Variants in VRK2 observed in about 807,000 individuals in gnomAD.
VRK2 encodes serine/threonine-protein kinase VRK2.
In VRK2, 60 loss-of-function variants were observed where a neutral mutation model predicts 57.6. That is an observed-to-expected ratio of 1.04 (90% CI 0.85 to 1.29). VRK2 has a LOEUF of 1.29. Ranked by LOEUF, VRK2 falls within the 50% of genes most tolerant of loss-of-function variation. The probability of loss-of-function intolerance (pLI) is 0.00; values close to 1 mark genes in which losing one functional copy is unlikely to be tolerated. For missense variants in VRK2, 705 were observed against 588.1 expected, an observed-to-expected ratio of 1.20 and a Z score of -2.06; for synonymous variants, 231 against 199.2, an observed-to-expected ratio of 1.16 and a Z score of -1.35.
Position 58,019,197 on chromosome 2 carries a change from A to G in VRK2, c.-438-6468A>G, listed in dbSNP as rs138670039. Among the ~76,000 whole-genome samples, 3 of 152,366 alleles carry G rather than the reference A, an allele frequency of 2.0e-5. No individual in the cohort carries two copies. The East Asian group carries it at 5.8e-4, about 29-fold the overall frequency. On this transcript the variant is annotated intron_variant, in intron 1 of 15. Coordinates refer to the VRK2 transcript ENST00000417641. The stretch of plus-strand genomic sequence containing the variant: ...GCTGAATAATGTGACCACGTTAAAC[A>G]TTAGAACAATAAGGAGAAATTTTTA...
chr2:58,131,223 A>G (rs1411652137), intron 8 of VRK2, among the ~76,000 whole-genome samples: 1 of 151,504 alleles, frequency 6.6e-6, no homozygotes, highest in African/African-American at 2.4e-5. Flanking sequence ...AGCAGTAGAT[A>G]TATTTTTATT....
chr2:58,109,450 C>T (rs1675235185), intron 7 of VRK2, among the ~76,000 whole-genome samples: 1 of 151,680 alleles, frequency 6.6e-6, no homozygotes, highest in Non-Finnish European at 1.5e-5. Context: ...AAAAAAAATA[C>T]CCAAAACTGG....
chr2:58,007,346 T>A (rs533142987), intron 1 of VRK2, among the ~76,000 whole-genome samples: 1 of 151,956 alleles, frequency 6.6e-6, no homozygotes, highest in African/African-American at 2.4e-5. Context: ...ACGAATACAG[T>A]TGGCCCTTGA....
At chr2:58,157,397 T>C (rs1338756168) in intron 12 of VRK2, among the ~76,000 whole-genome samples, 1 of 152,170 alleles carries the variant, frequency 6.6e-6, no homozygotes. Context: ...TGATGTAGGA[T>C]GTTTCGCATC....
chr2:57,978,017 A>T (rs1427031854), intron 1 of VRK2, among the ~76,000 whole-genome samples: 1 of 151,372 alleles, frequency 6.6e-6, no homozygotes, highest in Non-Finnish European at 1.5e-5. Flanking sequence ...GATGAATCAC[A>T]TGTATTGATT....
intron 1 of VRK2, among the ~76,000 whole-genome samples, chr2:58,013,925 A>C (rs1673495467): frequency 6.6e-6 from 1 of 151,972 alleles, no homozygotes; most frequent in African/African-American, 2.4e-5. Flanking sequence ...AAATATTCAT[A>C]ATAATTTCAT....
intron 12 of VRK2, among the ~76,000 whole-genome samples, chr2:58,148,012 T>C (rs1682427324): frequency 6.6e-6 from 1 of 151,848 alleles, no homozygotes; most frequent in Admixed American, 6.6e-5. Flanking sequence ...CTACAAACAT[T>C]CTGGCACAAA....
intron 1 of VRK2, among the ~76,000 whole-genome samples, chr2:57,916,645 C>G (rs781765942): frequency 6.6e-6 from 1 of 152,064 alleles, no homozygotes; most frequent in Non-Finnish European, 1.5e-5. Context: ...CTAGCCCTAT[C>G]TGACAAATGA....
intron 3 of VRK2, among the ~76,000 whole-genome samples, chr2:58,035,525 C>T (rs1207557901): frequency 1.3e-5 from 2 of 151,972 alleles, no homozygotes; most frequent in South Asian, 2.1e-4. Flanking sequence ...TTTCATGACT[C>T]GAGTAACATT....
At chr2:58,035,118 C>T (rs1244820283) in intron 3 of VRK2, among the ~76,000 whole-genome samples, 1 of 151,988 alleles carries the variant, frequency 6.6e-6, no homozygotes, top group Admixed American at 6.6e-5. Flanking sequence ...TACTCCATGC[C>T]TTCCAACAGT....
intron 2 of VRK2, among the ~76,000 whole-genome samples, chr2:58,065,924 A>G (rs1310217998): frequency 6.6e-6 from 1 of 152,086 alleles, no homozygotes; most frequent in Non-Finnish European, 1.5e-5. Context: ...GTATATTAGT[A>G]GTATGTTGTG....
At chr2:57,986,975 T>C (rs1444459690) in intron 1 of VRK2, among the ~76,000 whole-genome samples, 1 of 152,128 alleles carries the variant, frequency 6.6e-6, no homozygotes, top group Non-Finnish European at 1.5e-5. Context: ...TTTTTAAAAA[T>C]TGTGTTGGAA....
intron 2 of VRK2, chr2:58,026,964 C>A (rs1440481277): frequency 6.6e-6 from 1 of 151,672 alleles, no homozygotes; most frequent in African/African-American, 2.4e-5. Flanking sequence ...CCTGGGCTCA[C>A]GTGATTGACC....
At chr2:58,020,201 A>G (rs1673707692) in intron 1 of VRK2, among the ~76,000 whole-genome samples, 1 of 152,340 alleles carries the variant, frequency 6.6e-6, no homozygotes, top group African/African-American at 2.4e-5. Context: ...ATATAAAACA[A>G]TTGCCAAGAT....
intron 2 of VRK2, among the ~76,000 whole-genome samples, chr2:58,063,242 T>G (rs1677623347): frequency 9.8e-6 from 1 of 102,322 alleles, no homozygotes; most frequent in East Asian, 2.1e-4. Context: ...CACAGTTTTG[T>G]TTTTTTTTTT....
At chr2:58,083,034 A>G (rs1671119474) in intron 2 of VRK2, among the ~76,000 whole-genome samples, 2 of 151,814 alleles carry the variant, frequency 1.3e-5, no homozygotes, top group African/African-American at 4.8e-5. Context: ...AATAGGACAC[A>G]GCATTTTAAT....
At chr2:58,012,175 G>A (rs1366698384) in intron 1 of VRK2, among the ~76,000 whole-genome samples, 2 of 152,206 alleles carry the variant, frequency 1.3e-5, no homozygotes, top group African/African-American at 4.8e-5. Context: ...GGGGAGGCAT[G>A]AATAATCCAC....
intron 12 of VRK2, among the ~76,000 whole-genome samples, chr2:58,147,410 G>C (rs1040040416): frequency 6.6e-6 from 1 of 151,754 alleles, no homozygotes; most frequent in African/African-American, 2.4e-5. Flanking sequence ...ACTTCACTTA[G>C]GCATATTTTA....
upstream of VRK2, among the ~76,000 whole-genome samples, chr2:58,041,830 C>T (rs1674469010): frequency 6.6e-6 from 1 of 152,140 alleles, no homozygotes; most frequent in Admixed American, 6.6e-5. Context: ...TTATCTTAAC[C>T]CAGATATTCC....
Sources: gnomAD v4.1 joint callset for allele counts (sites outside exome capture counted in the v4.1 genomes callset) on GRCh38, gnomAD v4.1.1 for gene constraint, MANE v1.5 for transcripts, NCBI Gene and HGNC (gene_info 2026-07-23, HGNC 2026-07-21) for gene names.